EPM2A: variants seen among roughly 807,000 people sequenced by gnomAD.
The protein encoded by EPM2A is EPM2A glucan phosphatase, laforin, also known as laforin.
Under a neutral mutation model 26.5 loss-of-function variants are expected in EPM2A, and 21 were observed. That is an observed-to-expected ratio of 0.79 (90% CI 0.56 to 1.14). The LOEUF (loss-of-function observed/expected upper bound fraction) is 1.14, where lower values mean the gene tolerates loss of function less well. Among genes scored for constraint, EPM2A ranks in the 50% most tolerant of loss-of-function variants. The probability of loss-of-function intolerance (pLI) is 0.00; values close to 1 mark genes in which losing one functional copy is unlikely to be tolerated. For synonymous variants in EPM2A, 217 were observed against 177.6 expected, an observed-to-expected ratio of 1.22 and a Z score of -1.76; for missense variants, 458 against 440.8, an observed-to-expected ratio of 1.04 and a Z score of -0.35.
intron 2 of EPM2A, among the ~76,000 whole-genome samples, chr6:145,600,234 C>G (rs1409227342): frequency 1.3e-5 from 2 of 152,094 alleles, no homozygotes; most frequent in African/African-American, 4.8e-5. Context: ...ATCATCTTCT[C>G]TGTATTTATT....
intron 2 of EPM2A, chr6:145,671,544 A>G: frequency 4.1e-6 from 1 of 244,380 alleles, no homozygotes; most frequent in Admixed American, 6.5e-5. Flanking sequence ...CTATACTTTT[A>G]ATAGTCATCT....
chr6:145,668,971 G>T (rs973206153), intron 2 of EPM2A, among the ~76,000 whole-genome samples: 1 of 152,060 alleles, frequency 6.6e-6, no homozygotes, highest in Non-Finnish European at 1.5e-5. Context: ...CAGTGTATAC[G>T]TGTGTGTACA....
chr6:145,514,623 T>A (rs1291899290), intron 2 of EPM2A, among the ~76,000 whole-genome samples: 2 of 152,200 alleles, frequency 1.3e-5, no homozygotes, highest in African/African-American at 4.8e-5. Flanking sequence ...TATAGAGCAG[T>A]GTTTCTCAAC....
At chr6:145,574,456 T>C (rs576751961) in intron 2 of EPM2A, among the ~76,000 whole-genome samples, 1 of 152,224 alleles carries the variant, frequency 6.6e-6, no homozygotes, top group Non-Finnish European at 1.5e-5. Context: ...ATTTCAATTT[T>C]GTAGTTGAGT....
intron 1 of EPM2A, among the ~76,000 whole-genome samples, chr6:145,700,569 T>C (rs1030725634): frequency 2.0e-5 from 3 of 152,170 alleles, no homozygotes; most frequent in Admixed American, 6.5e-5. Context: ...AAAAAACCTA[T>C]CTTTGTGCAC....
chr6:145,636,784 G>C (rs62438252), intron 2 of EPM2A: 3 of 151,866 alleles, frequency 2.0e-5, no homozygotes, highest in African/African-American at 7.3e-5. Context: ...TTAGCTGGGC[G>C]TGGTGGCACA....
At chr6:145,606,217 C>G (rs1337029131) in intron 2 of EPM2A, among the ~76,000 whole-genome samples, 2 of 152,098 alleles carry the variant, frequency 1.3e-5, no homozygotes, top group Non-Finnish European at 2.9e-5. Flanking sequence ...TACTTCAGCG[C>G]TGTGCATAAA....
At chr6:145,710,290 C>G (rs1199111707) in intron 1 of EPM2A, among the ~76,000 whole-genome samples, 5 of 152,218 alleles carry the variant, frequency 3.3e-5, no homozygotes, top group African/African-American at 1.2e-4. Flanking sequence ...CAAACAACCC[C>G]ATCAAAACAA....
At chr6:145,470,549 CTT>C (rs1779460496) in intron 4 of EPM2A, among the ~76,000 whole-genome samples, 1 of 152,050 alleles carries the variant, frequency 6.6e-6, no homozygotes, top group Admixed American at 6.6e-5. Flanking sequence ...TTTAAAAACA[CTT>C]TTGACTGTGT....
At chr6:145,459,516 T>C (rs1422369695) in intron 4 of EPM2A, among the ~76,000 whole-genome samples, 1 of 152,196 alleles carries the variant, frequency 6.6e-6, no homozygotes, top group Non-Finnish European at 1.5e-5. Flanking sequence ...AATGTCTTAA[T>C]TTATGACTGT....
intron 2 of EPM2A, among the ~76,000 whole-genome samples, chr6:145,532,425 A>G (rs1331725312): frequency 6.6e-6 from 1 of 152,188 alleles, no homozygotes; most frequent in African/African-American, 2.4e-5. Context: ...GAGTTTATCT[A>G]AATAACTTAT....
At chr6:145,731,985 A>T (rs1480858867) in intron 1 of EPM2A, among the ~76,000 whole-genome samples, 1 of 152,184 alleles carries the variant, frequency 6.6e-6, no homozygotes, top group Non-Finnish European at 1.5e-5. Flanking sequence ...AGACCAGAAT[A>T]CTGTACCAAA....
At chr6:145,720,901 C>G (rs1341494947) in intron 1 of EPM2A, 1 of 152,180 alleles carries the variant, frequency 6.6e-6, no homozygotes, top group Non-Finnish European at 1.5e-5. Context: ...TGGCTCATAC[C>G]TGTAATCCCA....
At chr6:145,535,744 T>C (rs1314355826) in intron 2 of EPM2A, among the ~76,000 whole-genome samples, 1 of 152,250 alleles carries the variant, frequency 6.6e-6, no homozygotes, top group African/African-American at 2.4e-5. Flanking sequence ...TATAGTAATT[T>C]TGGGTAAATT....
chr6:145,587,050 C>G (rs535441146), intron 2 of EPM2A, among the ~76,000 whole-genome samples: 3 of 152,150 alleles, frequency 2.0e-5, no homozygotes, highest in African/African-American at 7.2e-5. Context: ...CCCTTGAAAA[C>G]TCTTATCCTC....
intron 2 of EPM2A, among the ~76,000 whole-genome samples, chr6:145,520,579 G>A (rs1780190030): frequency 6.6e-6 from 1 of 152,142 alleles, no homozygotes; most frequent in Admixed American, 6.6e-5. Flanking sequence ...TTGTACACGT[G>A]CATTTTTTCC....
intron 4 of EPM2A, among the ~76,000 whole-genome samples, chr6:145,488,770 T>C (rs529002176): frequency 6.6e-6 from 1 of 152,244 alleles, no homozygotes; most frequent in Non-Finnish European, 1.5e-5. Context: ...GATGCTCATC[T>C]TTTTTTCATC....
intron 2 of EPM2A, among the ~76,000 whole-genome samples, chr6:145,569,840 A>G (rs1309904499): frequency 7.0e-6 from 1 of 142,706 alleles, no homozygotes; most frequent in African/African-American, 2.7e-5. Flanking sequence ...GAGGGAAAGA[A>G]CTAATGGAAT....
intron 1 of EPM2A, among the ~76,000 whole-genome samples, chr6:145,715,268 C>G (rs1446969871): frequency 3.3e-5 from 5 of 152,106 alleles, no homozygotes; most frequent in Admixed American, 3.3e-4. Flanking sequence ...ACAGGACACC[C>G]TTCTATGGCA....
Sources: allele counts gnomAD v4.1 joint callset (sites outside exome capture counted in the v4.1 genomes callset), GRCh38; gene constraint gnomAD v4.1.1; transcripts MANE v1.5; gene names NCBI Gene and HGNC (gene_info 2026-07-23, HGNC 2026-07-21).